Variants in TIAM1 observed in about 807,000 individuals in gnomAD.
TIAM1 encodes the protein rho guanine nucleotide exchange factor TIAM1.
A neutral mutation model predicts 163.5 loss-of-function variants in TIAM1; 65 were observed. The ratio of observed to expected loss-of-function variants is 0.40; its 90% CI spans 0.33 to 0.49. TIAM1 has a LOEUF of 0.49. TIAM1 is among the 20% of genes least tolerant of loss of function. The pLI, the probability that TIAM1 is intolerant of heterozygous loss-of-function variation, is 0.77. For synonymous variants in TIAM1, 833 were observed against 810.1 expected (o/e 1.03, Z -0.48); for missense variants, 1,789 against 2,044.7 (o/e 0.87, Z 2.41).
intron 2 of TIAM1, among the ~76,000 whole-genome samples, chr21:31,462,737 TTTTTTTTTTTTG>T (rs1287733171): frequency 1.7e-5 from 1 of 58,294 alleles, no homozygotes; most frequent in African/African-American, 5.3e-5. Flanking sequence ...CACTTTTTTG[TTTTTTTTTTTTG>T]TTTTTTTTTT....
At chr21:31,489,538 G>C (rs1436900265) in intron 1 of TIAM1, among the ~76,000 whole-genome samples, 1 of 122,692 alleles carries the variant, frequency 8.2e-6, no homozygotes, top group Non-Finnish European at 1.7e-5. Context: ...GAGGGAGGGA[G>C]GGAGGGAAAA....
At chr21:31,555,921 G>C (rs2048861815) in intron 1 of TIAM1, among the ~76,000 whole-genome samples, 1 of 152,098 alleles carries the variant, frequency 6.6e-6, no homozygotes, top group Non-Finnish European at 1.5e-5. Context: ...GAAGGAGACA[G>C]GCCCAACGCT....
intron 2 of TIAM1, among the ~76,000 whole-genome samples, chr21:31,410,148 AAG>A (rs1311201102): frequency 6.6e-6 from 1 of 151,514 alleles, no homozygotes; most frequent in African/African-American, 2.4e-5. Context: ...GTACATGTGA[AAG>A]AGCATATATG....
intron 2 of TIAM1, among the ~76,000 whole-genome samples, chr21:31,298,960 G>C (rs962814212): frequency 6.6e-6 from 1 of 152,086 alleles, no homozygotes; most frequent in Non-Finnish European, 1.5e-5. Flanking sequence ...TTAAATAAAT[G>C]TTATCGGAGG....
chr21:31,524,169 T>C (rs970520489), intron 1 of TIAM1, among the ~76,000 whole-genome samples: 30 of 152,044 alleles, frequency 2.0e-4, no homozygotes, highest in African/African-American at 7.2e-4. Context: ...GGCTGGGTAA[T>C]TTATATAGAA....
intron 1 of TIAM1, among the ~76,000 whole-genome samples, chr21:31,488,881 G>A (rs1374404823): frequency 6.6e-6 from 1 of 151,864 alleles, no homozygotes; most frequent in Non-Finnish European, 1.5e-5. Context: ...AAAAAGACAG[G>A]AAAACATAAG....
At chr21:31,247,132 C>T (rs2071544004) in intron 5 of TIAM1, among the ~76,000 whole-genome samples, 1 of 151,812 alleles carries the variant, frequency 6.6e-6, no homozygotes, top group South Asian at 2.1e-4. Flanking sequence ...CCAGTGTGGG[C>T]AATATAGCGA....
chr21:31,119,126 G>C lies in TIAM1; in HGVS notation c.*1242C>G, dbSNP rs1478505682. 1.3e-5 allele frequency: 2 copies of C among 151,262 alleles called. No homozygotes were observed. The highest frequency in any genetic ancestry group is 4.2e-4 in the South Asian group (2 of 4,792). The allele number at this position is 151,262 out of a possible 1,614,324, so 9.4% of individuals were successfully genotyped here. ...TTTTTTTAAAAAAAAAAAAAAAATT[G>C]AAAGTGCTATAACTTGTTTTTCTTC... On this transcript the variant is annotated 3_prime_UTR_variant, in exon 28 of 28. Coordinates refer to ENST00000541036, the MANE Select transcript of TIAM1 (RefSeq NM_001353694.2).
intron 2 of TIAM1, among the ~76,000 whole-genome samples, chr21:31,460,128 G>T (rs1229118031): frequency 6.6e-6 from 1 of 152,170 alleles, no homozygotes; most frequent in Non-Finnish European, 1.5e-5. Flanking sequence ...TCCCCAGGAA[G>T]TTAGCCTGAG....
At chr21:31,479,447 G>A (rs2046040258) in intron 1 of TIAM1, among the ~76,000 whole-genome samples, 1 of 131,630 alleles carries the variant, frequency 7.6e-6, no homozygotes, top group African/African-American at 2.8e-5. Flanking sequence ...ATGGAAGGAT[G>A]GATGGATAGA....
chr21:31,404,195 C>T (rs1315935015), intron 2 of TIAM1, among the ~76,000 whole-genome samples: 2 of 152,138 alleles, frequency 1.3e-5, no homozygotes, highest in Non-Finnish European at 2.9e-5. Context: ...TTGAATTATC[C>T]TTTTATCTTT....
chr21:31,260,856 C>T (rs958688895), intron 4 of TIAM1, among the ~76,000 whole-genome samples: 2 of 152,034 alleles, frequency 1.3e-5, no homozygotes, highest in Non-Finnish European at 2.9e-5. Flanking sequence ...CCTATGGATC[C>T]CTTGAAATGA....
chr21:31,295,149 A>AG lies in TIAM1; in HGVS notation c.-188-18242dup, dbSNP rs1302899843. Among the ~76,000 whole-genome samples the AG allele has an allele frequency of 2.0e-5, 3 of 152,202 alleles. No homozygotes were observed. In the East Asian group the frequency reaches 5.8e-4, roughly 29 times the overall value. On this transcript the variant is annotated intron_variant, in intron 2 of 27. Transcript: ENST00000541036. ...GGTTCAAGATTCCACACAGCATGGT[A>AG]GGACAAGGAAGGTTTAAGACTTCTT... is the stretch of plus-strand genomic sequence containing the variant.
intron 16 of TIAM1, among the ~76,000 whole-genome samples, chr21:31,159,583 G>T (rs1429850539): frequency 6.6e-6 from 1 of 152,144 alleles, no homozygotes; most frequent in Non-Finnish European, 1.5e-5. Flanking sequence ...CATAATTTCA[G>T]AGACACTATG....
At chr21:31,421,485 C>T (rs965970710) in intron 2 of TIAM1, among the ~76,000 whole-genome samples, 14 of 152,286 alleles carry the variant, frequency 9.2e-5, no homozygotes, top group African/African-American at 2.4e-4. Context: ...GTCAGATCAG[C>T]GGTGACATCA....
In TIAM1 at chr21:31,266,817, G is replaced by T. The variant is rs766970282; in HGVS notation, c.156C>A (p.Ser52=). ...ASSGKVIHRN[S]EVSTRSSSTP... Reference sequence around the variant, plus strand: ...TGCTGCTGGATCGGGTGCTCACTTCGGAGTTCCTGTGGATCACCTTCCCCG... The same window carrying T: ...TGCTGCTGGATCGGGTGCTCACTTCTGAGTTCCTGTGGATCACCTTCCCCG... The change falls in exon 4 of 28, where the codon TCC becomes TCA. Residue 52 remains serine (S), a synonymous_variant. Transcript: ENST00000541036. 2 of 1,614,182 alleles carry T rather than the reference G, an allele frequency of 1.2e-6. No individual in the cohort carries two copies. Among genetic ancestry groups the T allele is most frequent in the South Asian group, 2.2e-5 (2 of 91,086 alleles).
At chr21:31,519,305 CA>C (rs369132676) in intron 1 of TIAM1, among the ~76,000 whole-genome samples, 14,453 of 53,124 alleles carry the variant, frequency 0.27, 577 homozygotes, top group African/African-American at 0.3. Context: ...AACTCTGTCT[CA>C]AAAAAAAAAA....
At position 31,124,651 on chromosome 21, in the gene TIAM1, T is replaced by C. The variant is rs370773274; in HGVS notation, c.4177A>G (p.Ile1393Val). 1.3e-4 allele frequency: 215 copies of C among 1,611,700 alleles called. No individual in the cohort carries two copies. Among genetic ancestry groups the C allele is most frequent in the Non-Finnish European group, 1.5e-4 (181 of 1,178,902 alleles). ...TGTCTTCTGTGCTTATCACGCAGGA[T>C]TGAATGCACAGCCTTTAGGAAATCC... ...RKDFLKAVHS[I>V]LRDKHRRQLL... is the part of the protein sequence containing the mutation. Residue 1393 changes from isoleucine to valine, a missense_variant, in exon 27 of 28, where the codon ATC (isoleucine) becomes GTC (valine). By Grantham distance (29) the Ile-to-Val change is conservative. This residue lies in a region of TIAM1 where 415 missense variants were observed against 439.2 expected (regional missense o/e 0.94). Coordinates refer to ENST00000541036, the MANE Select transcript of TIAM1 (RefSeq NM_001353694.2).
At chr21:31,373,550 T>C (rs1194539975) in intron 2 of TIAM1, among the ~76,000 whole-genome samples, 2 of 152,122 alleles carry the variant, frequency 1.3e-5, no homozygotes, top group Non-Finnish European at 2.9e-5. Context: ...ATCATGCTCA[T>C]ATAACAAATA....
Sources: allele counts gnomAD v4.1 joint callset (sites outside exome capture counted in the v4.1 genomes callset), GRCh38; gene constraint gnomAD v4.1.1; regional missense constraint gnomAD v4.1.1; transcripts MANE v1.5; gene names NCBI Gene and HGNC (gene_info 2026-07-23, HGNC 2026-07-21).